OXCT1: variants seen among roughly 807,000 people sequenced by gnomAD.
OXCT1 encodes 3-oxoacid CoA-transferase 1.
OXCT1 carries 27 observed loss-of-function variants against 69.6 expected under a neutral mutation model. That is an observed-to-expected ratio of 0.39 (90% CI 0.29 to 0.54). OXCT1 has a LOEUF of 0.54. Ranked by LOEUF, OXCT1 falls within the 20% of genes least tolerant of loss-of-function variation. The probability of loss-of-function intolerance (pLI) is 0.72; values close to 1 mark genes in which losing one functional copy is unlikely to be tolerated. For synonymous variants in OXCT1, 202 were observed against 217.8 expected, an observed-to-expected ratio of 0.93 and a Z score of 0.64; for missense variants, 437 against 650.2, an observed-to-expected ratio of 0.67 and a Z score of 3.57.
chr5:41,781,165 A>G (rs2112179031), intron 13 of OXCT1, among the ~76,000 whole-genome samples: 1 of 152,126 alleles, frequency 6.6e-6, no homozygotes, highest in East Asian at 1.9e-4. Flanking sequence ...GGCCTCCCAA[A>G]GTGCTGGGAT....
At chr5:41,785,971 C>T (rs72746933) in intron 13 of OXCT1, among the ~76,000 whole-genome samples, 8,688 of 152,128 alleles carry the variant, frequency 0.057, 272 homozygotes, top group African/African-American at 0.079. Flanking sequence ...GGCTGTTTTG[C>T]GGAAGTAACT....
At chr5:41,750,430 T>A (rs755477952) in intron 14 of OXCT1, among the ~76,000 whole-genome samples, 3 of 152,062 alleles carry the variant, frequency 2.0e-5, no homozygotes, top group Non-Finnish European at 2.9e-5. Context: ...GAGGATCTGA[T>A]CTTCAGATCA....
intron 5 of OXCT1, among the ~76,000 whole-genome samples, chr5:41,848,733 G>T (rs1017153724): frequency 6.6e-6 from 1 of 151,710 alleles, no homozygotes; most frequent in African/African-American, 2.4e-5. Flanking sequence ...CTAGCCATAT[G>T]TACAAAGCTG....
chr5:41,808,977 T>C (rs1348006004), intron 7 of OXCT1, among the ~76,000 whole-genome samples: 1 of 152,076 alleles, frequency 6.6e-6, no homozygotes, highest in Non-Finnish European at 1.5e-5. Context: ...AAATTTATTA[T>C]AATAATGAAT....
At chr5:41,844,010 T>C (rs560598251) in intron 5 of OXCT1, among the ~76,000 whole-genome samples, 1 of 152,310 alleles carries the variant, frequency 6.6e-6, no homozygotes, top group Admixed American at 6.5e-5. Context: ...CCAACAATGA[T>C]AGTTGAGTGT....
intron 3 of OXCT1, among the ~76,000 whole-genome samples, chr5:41,859,907 T>TATATATATATATATATATATACACAC (rs1304074270): frequency 7.2e-6 from 1 of 138,472 alleles, no homozygotes; most frequent in African/African-American, 2.6e-5. Context: ...TATATATATA[T>TATATATATATATATATATATACACAC]ACACACACAC....
intron 14 of OXCT1, among the ~76,000 whole-genome samples, chr5:41,758,128 G>A (rs922237349): frequency 2.6e-5 from 4 of 152,040 alleles, no homozygotes; most frequent in Non-Finnish European, 5.9e-5. Flanking sequence ...CAGACTACAA[G>A]AGTCACATTG....
At position 41,739,429 on chromosome 5, in the gene OXCT1, T is replaced by C. The variant is rs764924152; in HGVS notation, c.1482A>G (p.Thr494=). The change falls in exon 16 of 17, where the codon ACA becomes ACG. Residue 494 remains threonine (T), a synonymous_variant. Transcript: ENST00000196371. ...CAGTACTCTTCTGTACGTCATCCAC[T>C]GTCAGGCCTTCCCAGAGCTCAATCA... ...LTLIELWEGL[T]VDDVQKSTGC... is the part of the protein sequence containing the mutation. 6.2e-7 allele frequency: 1 copy of C among 1,613,892 alleles called. No homozygotes were observed. Among genetic ancestry groups the C allele is most frequent in the South Asian group, 1.1e-5 (1 of 91,076 alleles).
chr5:41,803,140 G>A lies in OXCT1; in HGVS notation c.979C>T (p.Leu327Phe). 1.2e-6 allele frequency: 2 copies of A among 1,611,196 alleles called. No individual in the cohort carries two copies. Among genetic ancestry groups the A allele is most frequent in the Non-Finnish European group, 1.7e-6 (2 of 1,177,800 alleles). ...GGGCTGATAAAATTGCTGGCCAGGAGAGGGATTCCTATGCCCAAATTAGCT... is the reference window on the plus strand; with the variant it reads ...GGGCTGATAAAATTGCTGGCCAGGAAAGGGATTCCTATGCCCAAATTAGCT... The part of the protein sequence containing the change: ...MYANLGIGIP[L>F]LASNFISPNI... Residue 327 changes from leucine (L) to phenylalanine (F), a missense_variant, in exon 10 of 17, where the codon CTC becomes TTC. This residue lies in a region of OXCT1 where 252 missense variants were observed against 397.4 expected (regional missense o/e 0.63). Transcript: ENST00000196371.
intron 13 of OXCT1, among the ~76,000 whole-genome samples, chr5:41,765,800 AATT>A (rs757846638): frequency 1.4e-4 from 22 of 152,288 alleles, no homozygotes; most frequent in Middle Eastern, 3.4e-3. Flanking sequence ...GGATGGAAAG[AATT>A]TTGAGAAGAT....
intron 13 of OXCT1, among the ~76,000 whole-genome samples, chr5:41,781,892 T>C (rs1314955661): frequency 6.6e-6 from 1 of 152,240 alleles, no homozygotes; most frequent in Non-Finnish European, 1.5e-5. Context: ...TCTTTACTAT[T>C]GTGAACAGTG....
intron 16 of OXCT1, among the ~76,000 whole-genome samples, chr5:41,736,952 T>G (rs567970817): frequency 6.6e-6 from 1 of 152,348 alleles, no homozygotes; most frequent in Non-Finnish European, 1.5e-5. Context: ...TTCTGAATTG[T>G]CAAGAAAGAA....
chr5:41,853,703 A>G (rs749417149), intron 3 of OXCT1, 149 bp from the exon 4 acceptor site: 27 of 823,396 alleles, frequency 3.3e-5, no homozygotes, highest in Non-Finnish European at 5.0e-5. Context: ...CATAACCCCA[A>G]AACTTTTGCA....
At chr5:41,845,663 T>G (rs1308192375) in intron 5 of OXCT1, among the ~76,000 whole-genome samples, 1 of 152,184 alleles carries the variant, frequency 6.6e-6, no homozygotes, top group Non-Finnish European at 1.5e-5. Context: ...AGGCACCTGA[T>G]TCCAGGCAGA....
At chr5:41,860,419 T>C (rs1333239299) in intron 3 of OXCT1, among the ~76,000 whole-genome samples, 2 of 152,174 alleles carry the variant, frequency 1.3e-5, no homozygotes, top group Non-Finnish European at 2.9e-5. Flanking sequence ...AAAGTTTCTA[T>C]AATTGGATAA....
chr5:41,845,889 C>T (rs749283209), intron 5 of OXCT1, among the ~76,000 whole-genome samples: 54 of 151,972 alleles, frequency 3.6e-4, no homozygotes, highest in Non-Finnish European at 6.3e-4. Context: ...ACATAAAAAA[C>T]ACATTTTTTA....
intron 7 of OXCT1, among the ~76,000 whole-genome samples, chr5:41,826,793 T>A (rs1378847120): frequency 6.6e-6 from 1 of 152,118 alleles, no homozygotes; most frequent in East Asian, 1.9e-4. Flanking sequence ...AGCACTACAA[T>A]AATATATCCA....
chr5:41,758,277 T>C (rs1329171095), intron 14 of OXCT1, among the ~76,000 whole-genome samples: 3 of 152,032 alleles, frequency 2.0e-5, no homozygotes, highest in African/African-American at 7.2e-5. Context: ...GGAATGATGA[T>C]TTAGTTGGCA....
intron 7 of OXCT1, among the ~76,000 whole-genome samples, chr5:41,818,975 T>C (rs956101955): frequency 1.3e-5 from 2 of 151,672 alleles, no homozygotes; most frequent in Admixed American, 6.6e-5. Flanking sequence ...AATGAAGCAA[T>C]CTTGCATAAG....
Sources: gnomAD v4.1 joint callset for allele counts (sites outside exome capture counted in the v4.1 genomes callset) on GRCh38, gnomAD v4.1.1 for gene constraint, gnomAD v4.1.1 regional missense constraint, MANE v1.5 for transcripts, NCBI Gene and HGNC (gene_info 2026-07-23, HGNC 2026-07-21) for gene names.